Variants in PKP4 observed in about 807,000 individuals in gnomAD.
PKP4 encodes the protein plakophilin-4.
Under a neutral mutation model 145.1 loss-of-function variants are expected in PKP4, and 90 were observed. The ratio of observed to expected loss-of-function variants is 0.62; its 90% CI spans 0.52 to 0.74. The LOEUF (loss-of-function observed/expected upper bound fraction) is 0.74, where lower values mean the gene tolerates loss of function less well. Ranked by LOEUF, PKP4 falls within the 30% of genes least tolerant of loss-of-function variation. The pLI, the probability that PKP4 is intolerant of heterozygous loss-of-function variation, is 0.00. For missense variants in PKP4, 1,340 were observed against 1,482.7 expected (o/e 0.90, Z 1.58); for synonymous variants, 563 against 577.2 (o/e 0.98, Z 0.35).
chr2:158,634,281 G>C lies in PKP4; in HGVS notation c.1554G>C (p.Lys518Asn). 1 of 1,613,658 alleles carries C rather than the reference G, an allele frequency of 6.2e-7. No homozygotes were observed. The highest frequency in any genetic ancestry group is 8.5e-7 in the Non-Finnish European group (1 of 1,179,752). ...CCCCATCAATAGACAGCATTCAGAA[G>C]GACCCCAGGCGAGTACCAGTTAGGA... ...TRSPSIDSIQ[K>N]DPREFAWRDP... Residue 518 changes from lysine to asparagine, a missense_variant, in exon 9 of 22, where the codon AAG (lysine) becomes AAC (asparagine). Coordinates refer to ENST00000389759, the MANE Select transcript of PKP4 (RefSeq NM_003628.6).
At chr2:158,648,963 A>T (rs139561380) in intron 11 of PKP4, among the ~76,000 whole-genome samples, 101 of 152,344 alleles carry the variant, frequency 6.6e-4, no homozygotes, top group African/African-American at 2.2e-3. Flanking sequence ...GCGCCACTGC[A>T]CTCCAGCCTG....
chr2:158,563,837 T>A (rs1397777286), intron 2 of PKP4, among the ~76,000 whole-genome samples: 2 of 152,152 alleles, frequency 1.3e-5, no homozygotes, highest in Non-Finnish European at 2.9e-5. Flanking sequence ...TTGTTTCCAA[T>A]TGTTAGAATA....
intron 3 of PKP4, among the ~76,000 whole-genome samples, chr2:158,598,299 T>G (rs2049934104): frequency 6.6e-6 from 1 of 152,050 alleles, no homozygotes; most frequent in Non-Finnish European, 1.5e-5. Context: ...GAGCCCTACC[T>G]GAAAGAAGGT....
At chr2:158,553,540 G>T (rs1273030058) in intron 2 of PKP4, among the ~76,000 whole-genome samples, 1 of 152,162 alleles carries the variant, frequency 6.6e-6, no homozygotes, top group Non-Finnish European at 1.5e-5. Context: ...AACTGTACAG[G>T]CTTGTCAAAA....
intron 1 of PKP4, among the ~76,000 whole-genome samples, chr2:158,467,162 C>G (rs1334623889): frequency 6.6e-6 from 1 of 152,068 alleles, no homozygotes; most frequent in Non-Finnish European, 1.5e-5. Flanking sequence ...GTCCCTTTCC[C>G]AACCTCACAT....
chr2:158,515,556 T>A (rs1171606928), intron 1 of PKP4, among the ~76,000 whole-genome samples: 1 of 152,218 alleles, frequency 6.6e-6, no homozygotes, highest in African/African-American at 2.4e-5. Flanking sequence ...AGCTTTAATT[T>A]TTCTGTACCA....
chr2:158,523,601 C>A (rs1312199352), intron 1 of PKP4, among the ~76,000 whole-genome samples: 39 of 119,180 alleles, frequency 3.3e-4, no homozygotes, highest in Non-Finnish European at 3.9e-4. Flanking sequence ...GAACGCAGTT[C>A]CTCACCAGCA....
At chr2:158,542,072 A>G (rs898953659) in intron 2 of PKP4, among the ~76,000 whole-genome samples, 2 of 152,132 alleles carry the variant, frequency 1.3e-5, no homozygotes, top group African/African-American at 2.4e-5. Context: ...ATTATTTTCA[A>G]AGTAAGCCCT....
At chr2:158,677,195 G>C in intron 20 of PKP4, 1 of 363,644 alleles carries the variant, frequency 2.7e-6, no homozygotes, top group South Asian at 2.2e-5. Flanking sequence ...AGCAGTCTCT[G>C]TGTTTTCCAC....
intron 2 of PKP4, among the ~76,000 whole-genome samples, chr2:158,572,485 T>C (rs894205494): frequency 4.6e-5 from 7 of 152,314 alleles, no homozygotes; most frequent in African/African-American, 1.4e-4. Flanking sequence ...CCTGAAGATA[T>C]CTGGCAAATC....
chr2:158,588,568 C>G (rs1396753705), intron 3 of PKP4, among the ~76,000 whole-genome samples: 1 of 151,948 alleles, frequency 6.6e-6, no homozygotes, highest in Non-Finnish European at 1.5e-5. Flanking sequence ...TAAAATAACT[C>G]TGGGATATAT....
chr2:158,649,278 G>A (rs75737995), intron 11 of PKP4, among the ~76,000 whole-genome samples: 1 of 152,102 alleles, frequency 6.6e-6, no homozygotes, highest in African/African-American at 2.4e-5. Flanking sequence ...GTCCAGGCTG[G>A]AGGTGTTTCT....
chr2:158,554,975 T>TTAAA lies in PKP4; in HGVS notation c.132+21663_132+21666dup, dbSNP rs1553573597. Among the ~76,000 whole-genome samples the TTAAA allele has an allele frequency of 8.8e-3, 1,335 of 151,516 alleles. 21 individuals carry two copies. The highest frequency in any genetic ancestry group is 0.031 in the African/African-American group (1,255 of 40,920). ...TTATGATTATTTGCTATTTACTTGT[T>TTAAA]TAAATAATCCTGAATATTCTAATAT... is the stretch of plus-strand genomic sequence containing the variant. On this transcript the variant is annotated intron_variant, in intron 2 of 21. Coordinates refer to ENST00000389759, the MANE Select transcript of PKP4 (RefSeq NM_003628.6).
chr2:158,457,132 T>A lies in PKP4; in HGVS notation c.-92T>A, dbSNP rs1254205381. On this transcript the variant is annotated 5_prime_UTR_variant, in exon 1 of 22. Coordinates refer to ENST00000389759, the MANE Select transcript of PKP4 (RefSeq NM_003628.6). The stretch of plus-strand genomic sequence containing the variant: ...CAGCCGCGCCGCCGCGGCACTTTTT[T>A]AATTTTTTCGGGTGCCGCAGCGGCG... 6.6e-6 allele frequency: 1 copy of A among 150,912 alleles called. No homozygotes were observed. The highest frequency in any genetic ancestry group is 2.4e-5 in the African/African-American group (1 of 41,096). The allele number at this position is 150,912 out of a possible 1,614,324, so 9.3% of individuals were successfully genotyped here. A position where few individuals can be genotyped will look rare whatever the true frequency, so the allele number is the denominator to read the frequency against.
At chr2:158,492,938 C>T (rs897745443) in intron 1 of PKP4, among the ~76,000 whole-genome samples, 1 of 151,976 alleles carries the variant, frequency 6.6e-6, no homozygotes, top group African/African-American at 2.4e-5. Flanking sequence ...TTTATTTCCT[C>T]CCTACCTAAT....
At chr2:158,541,622 G>A (rs2044529625) in intron 2 of PKP4, among the ~76,000 whole-genome samples, 2 of 152,070 alleles carry the variant, frequency 1.3e-5, no homozygotes, top group African/African-American at 4.8e-5. Flanking sequence ...TATGAAAATA[G>A]CTATAATAAA....
intron 3 of PKP4, among the ~76,000 whole-genome samples, chr2:158,596,690 A>G (rs2049780357): frequency 6.6e-6 from 1 of 152,156 alleles, no homozygotes; most frequent in Non-Finnish European, 1.5e-5. Context: ...CAGTGAAAGT[A>G]GATCATGTAA....
chr2:158,515,341 T>G (rs2041846401), intron 1 of PKP4, among the ~76,000 whole-genome samples: 1 of 152,146 alleles, frequency 6.6e-6, no homozygotes, highest in African/African-American at 2.4e-5. Flanking sequence ...AATTTAAGCC[T>G]GGTATGGTGA....
chr2:158,549,689 T>G (rs2045422219), intron 2 of PKP4, among the ~76,000 whole-genome samples: 1 of 152,156 alleles, frequency 6.6e-6, no homozygotes, highest in East Asian at 1.9e-4. Flanking sequence ...AGCCCAGTAT[T>G]TTAATCTTCC....
Sources: allele counts gnomAD v4.1 joint callset (sites outside exome capture counted in the v4.1 genomes callset), GRCh38; gene constraint gnomAD v4.1.1; transcripts MANE v1.5; gene names NCBI Gene and HGNC (gene_info 2026-07-23, HGNC 2026-07-21).